The following NRG3 variants were observed in gnomAD, a reference collection of about 807,000 sequenced individuals.
The protein encoded by NRG3 is pro-neuregulin-3, membrane-bound isoform.
NRG3 carries 31 observed loss-of-function variants against 66.9 expected under a neutral mutation model. The observed-to-expected ratio is 0.46, with a 90% CI of 0.35 to 0.63. The LOEUF is 0.63. NRG3 is among the 20% of genes least tolerant of loss of function. The pLI is 0.00. For synonymous variants in NRG3, 393 were observed against 359.4 expected (o/e 1.09, Z -1.06); for missense variants, 910 against 878.9 (o/e 1.04, Z -0.45).
chr10:82,448,233 T>A (rs1039035156), intron 2 of NRG3, among the ~76,000 whole-genome samples: 3 of 152,200 alleles, frequency 2.0e-5, no homozygotes, highest in Admixed American at 2.0e-4. Context: ...ACTTGTGATT[T>A]TTCTGGAGAG....
chr10:82,580,279 C>T (rs775001796), intron 2 of NRG3, among the ~76,000 whole-genome samples: 9 of 151,742 alleles, frequency 5.9e-5, no homozygotes, highest in African/African-American at 1.2e-4. Flanking sequence ...TGTATATTTT[C>T]GAGCAGTTTT....
chr10:82,100,236 G>A (rs2066644575), intron 1 of NRG3, among the ~76,000 whole-genome samples: 1 of 151,620 alleles, frequency 6.6e-6, no homozygotes, highest in Non-Finnish European at 1.5e-5. Flanking sequence ...GGATTCTATG[G>A]CTTTGCTATA....
At chr10:82,390,776 T>G (rs1369239414) in intron 2 of NRG3, among the ~76,000 whole-genome samples, 1 of 152,140 alleles carries the variant, frequency 6.6e-6, no homozygotes, top group East Asian at 1.9e-4. Flanking sequence ...AACTTTGCAT[T>G]CAGGTTGTAA....
At chr10:82,174,317 T>A (rs2072866934) in intron 1 of NRG3, among the ~76,000 whole-genome samples, 1 of 152,080 alleles carries the variant, frequency 6.6e-6, no homozygotes, top group Non-Finnish European at 1.5e-5. Context: ...TACCTTTATC[T>A]CCCTTCATAC....
intron 2 of NRG3, among the ~76,000 whole-genome samples, chr10:82,705,120 T>C (rs2056188520): frequency 2.0e-5 from 3 of 152,150 alleles, no homozygotes; most frequent in African/African-American, 7.2e-5. Flanking sequence ...AAGCCTTCAT[T>C]TACATATGGA....
chr10:82,358,523 T>C (rs1422642715), intron 1 of NRG3, among the ~76,000 whole-genome samples: 2 of 152,138 alleles, frequency 1.3e-5, no homozygotes, highest in Admixed American at 1.3e-4. Flanking sequence ...GTGACTCCAA[T>C]AGATAAAATT....
intron 1 of NRG3, among the ~76,000 whole-genome samples, chr10:82,288,213 T>G (rs987990629): frequency 1.3e-5 from 2 of 152,172 alleles, no homozygotes; most frequent in Non-Finnish European, 2.9e-5. Flanking sequence ...GAAAATAATT[T>G]TACTGTTTAT....
chr10:81,895,990 A>T (rs1250736861), intron 1 of NRG3, among the ~76,000 whole-genome samples: 1 of 152,130 alleles, frequency 6.6e-6, no homozygotes, highest in East Asian at 1.9e-4. Flanking sequence ...TAATTGCGGG[A>T]TTTAAATTTG....
chr10:82,323,930 T>A (rs2081722135), intron 1 of NRG3, among the ~76,000 whole-genome samples: 1 of 152,196 alleles, frequency 6.6e-6, no homozygotes, highest in African/African-American at 2.4e-5. Flanking sequence ...AATGGTGCGA[T>A]CTCGGCTCAC....
chr10:82,486,195 G>A (rs1842663425), intron 2 of NRG3, among the ~76,000 whole-genome samples: 1 of 152,096 alleles, frequency 6.6e-6, no homozygotes, highest in Non-Finnish European at 1.5e-5. Context: ...TGGAACCCTT[G>A]TATATTATTG....
At chr10:82,197,279 T>G (rs570130230) in intron 1 of NRG3, among the ~76,000 whole-genome samples, 1 of 152,302 alleles carries the variant, frequency 6.6e-6, no homozygotes, top group African/African-American at 2.4e-5. Context: ...AATATAAGTC[T>G]TATTTTTTTC....
At chr10:82,086,283 A>C (rs2065721467) in intron 1 of NRG3, among the ~76,000 whole-genome samples, 1 of 152,142 alleles carries the variant, frequency 6.6e-6, no homozygotes, top group Admixed American at 6.5e-5. Context: ...TTTTAAAGTA[A>C]GTTATCCATA....
At chr10:82,836,917 A>G (rs1237519195) in intron 3 of NRG3, among the ~76,000 whole-genome samples, 1 of 151,922 alleles carries the variant, frequency 6.6e-6, no homozygotes, top group African/African-American at 2.4e-5. Context: ...AACAGGTCCC[A>G]GTGTATGATG....
chr10:82,098,471 G>A (rs2066515792), intron 1 of NRG3, among the ~76,000 whole-genome samples: 1 of 152,068 alleles, frequency 6.6e-6, no homozygotes, highest in East Asian at 1.9e-4. Context: ...GCCCCCTTGG[G>A]GTGGTGTAGT....
intron 2 of NRG3, among the ~76,000 whole-genome samples, chr10:82,589,955 T>C (rs2046887075): frequency 6.6e-6 from 1 of 152,194 alleles, no homozygotes; most frequent in African/African-American, 2.4e-5. Flanking sequence ...TGTACCCAGA[T>C]GTAGTTATAG....
At chr10:82,014,766 TCA>T (rs1365216613) in intron 1 of NRG3, among the ~76,000 whole-genome samples, 1 of 152,150 alleles carries the variant, frequency 6.6e-6, no homozygotes, top group Non-Finnish European at 1.5e-5. Flanking sequence ...GGGCAGATTC[TCA>T]TTTTTGAACT....
intron 2 of NRG3, among the ~76,000 whole-genome samples, chr10:82,601,830 T>G (rs2047650050): frequency 6.7e-6 from 1 of 148,158 alleles, no homozygotes. Flanking sequence ...GGCAACACAG[T>G]AAGACAACCA....
At chr10:82,407,683 C>T (rs1397635203) in intron 2 of NRG3, among the ~76,000 whole-genome samples, 4 of 152,094 alleles carry the variant, frequency 2.6e-5, no homozygotes, top group South Asian at 2.1e-4. Flanking sequence ...GTATACTGAA[C>T]GCTCACTCTG....
In NRG3 at chr10:81,955,173, C is replaced by CTA. The variant is rs1335622034; in HGVS notation, c.823+79018_823+79019dup. On this transcript the variant is annotated intron_variant, in intron 1 of 8. Transcript: ENST00000372141. ...TATAGAATATATAATATATATAATA[C>CTA]TATATATATTATATATATATACACA... 4.8e-3 allele frequency among the ~76,000 whole-genome samples: 709 copies of CTA among 147,124 alleles called. 5 individuals are homozygous for CTA. Among genetic ancestry groups the CTA allele is most frequent in the Non-Finnish European group, 6.5e-3 (436 of 67,092 alleles).
Sources: gnomAD v4.1 joint callset for allele counts (sites outside exome capture counted in the v4.1 genomes callset) on GRCh38, gnomAD v4.1.1 for gene constraint, MANE v1.5 for transcripts, NCBI Gene and HGNC (gene_info 2026-07-23, HGNC 2026-07-21) for gene names.